Variants in HMGCLL1 observed in about 807,000 individuals in gnomAD.
HMGCLL1 encodes the protein 3-hydroxymethyl-3-methylglutaryl-CoA lyase, cytoplasmic.
In HMGCLL1, 36 loss-of-function variants were observed where a neutral mutation model predicts 39.1. The observed-to-expected ratio is 0.92, with a 90% CI of 0.71 to 1.22. The LOEUF (loss-of-function observed/expected upper bound fraction) is 1.22, where lower values mean the gene tolerates loss of function less well. Ranked by LOEUF, HMGCLL1 falls within the 50% of genes most tolerant of loss-of-function variation. The probability of loss-of-function intolerance (pLI) is 0.00; values close to 1 mark genes in which losing one functional copy is unlikely to be tolerated. For synonymous variants in HMGCLL1, 149 were observed against 144.0 expected (o/e 1.03, Z -0.25); for missense variants, 451 against 416.5 (o/e 1.08, Z -0.72).
At chr6:55,458,963 GT>G (rs1764442391) in intron 7 of HMGCLL1, among the ~76,000 whole-genome samples, 1 of 152,084 alleles carries the variant, frequency 6.6e-6, no homozygotes, top group Non-Finnish European at 1.5e-5. Flanking sequence ...CATAAAGTAT[GT>G]TTAAACAAAA....
In HMGCLL1 at chr6:55,435,361, G is replaced by A. The variant is rs1009589006; in HGVS notation, c.*301C>T. ...CAGTATTTGATACTTGGGGAAATAC[G>A]AAGTCAATTTTCCCATCTACTAAAT... is the stretch of plus-strand genomic sequence containing the variant. On this transcript the variant is annotated 3_prime_UTR_variant, in exon 9 of 9. Coordinates refer to ENST00000274901, the MANE Select transcript of HMGCLL1 (RefSeq NM_001042406.2). The A allele has an allele frequency of 8.9e-6, 2 of 224,852 alleles. No individual in the cohort carries two copies. Among genetic ancestry groups the A allele is most frequent in the Non-Finnish European group, 1.8e-5 (2 of 112,452 alleles). The allele number at this position is 224,852 out of a possible 1,614,324, so 13.9% of individuals were successfully genotyped here.
the HMGCLL1 span, among the ~76,000 whole-genome samples, chr6:55,592,857 C>G: frequency 6.6e-6 from 1 of 152,088 alleles, no homozygotes; most frequent in South Asian, 2.1e-4. Flanking sequence ...ACTACCAACA[C>G]ATGGCTAGTA....
At chr6:55,637,949 G>A in the HMGCLL1 span, among the ~76,000 whole-genome samples, 8,366 of 152,070 alleles carry the variant, frequency 0.055, 388 homozygotes, top group Non-Finnish European at 0.077. Flanking sequence ...AACATAATTT[G>A]TATTATCCAT....
At chr6:55,439,580 C>A in intron 7 of HMGCLL1, 21 bp from the exon 8 acceptor site, 1 of 1,608,140 alleles carries the variant, frequency 6.2e-7, no homozygotes, top group Non-Finnish European at 8.5e-7. Context: ...AACCAAACCA[C>A]CTAAAGCTTG....
At chr6:55,571,601 C>G (rs749070951) in intron 1 of HMGCLL1, among the ~76,000 whole-genome samples, 10 of 151,874 alleles carry the variant, frequency 6.6e-5, no homozygotes, top group South Asian at 4.2e-4. Flanking sequence ...GTCAGGAGAT[C>G]GAGACCATCC....
intron 1 of HMGCLL1, among the ~76,000 whole-genome samples, chr6:55,573,438 TA>T (rs1453616195): frequency 5.3e-5 from 8 of 152,182 alleles, no homozygotes; most frequent in African/African-American, 1.9e-4. Context: ...ATAATTCTAA[TA>T]AGTATTCAAG....
At chr6:55,499,384 G>T in intron 5 of HMGCLL1, 85 bp from the exon 6 acceptor site, 2 of 1,012,842 alleles carry the variant, frequency 2.0e-6, no homozygotes, top group Non-Finnish European at 2.9e-6. Context: ...AGCTGAAACT[G>T]CATCAAGAAA....
chr6:55,640,491 A>T, the HMGCLL1 span, among the ~76,000 whole-genome samples: 1 of 150,876 alleles, frequency 6.6e-6, no homozygotes, highest in Non-Finnish European at 1.5e-5. Context: ...AAAGAAATAT[A>T]TTAATTAATT....
intron 7 of HMGCLL1, among the ~76,000 whole-genome samples, chr6:55,480,914 T>G (rs970380085): frequency 6.6e-6 from 1 of 152,148 alleles, no homozygotes; most frequent in African/African-American, 2.4e-5. Flanking sequence ...CTCACTTACT[T>G]GTGGGAGCTA....
the HMGCLL1 span, among the ~76,000 whole-genome samples, chr6:55,655,259 C>A: frequency 6.6e-6 from 1 of 151,794 alleles, no homozygotes; most frequent in Non-Finnish European, 1.5e-5. Context: ...ATATAATCTA[C>A]CAGTGAAAAA....
At chr6:55,587,339 T>A in the HMGCLL1 span, among the ~76,000 whole-genome samples, 2 of 152,186 alleles carry the variant, frequency 1.3e-5, no homozygotes, top group East Asian at 1.9e-4. Flanking sequence ...TCCCATTCTG[T>A]AGGTCGCCTG....
At chr6:55,653,991 T>C in the HMGCLL1 span, among the ~76,000 whole-genome samples, 2 of 152,034 alleles carry the variant, frequency 1.3e-5, no homozygotes, top group Admixed American at 6.6e-5. Context: ...CGGAGATTTC[T>C]GATGGTAGGA....
At chr6:55,545,114 C>T (rs149959756) in intron 1 of HMGCLL1, among the ~76,000 whole-genome samples, 179 of 150,984 alleles carry the variant, frequency 1.2e-3, no homozygotes, top group African/African-American at 4.3e-3. Flanking sequence ...CATGTGGTCT[C>T]ATTATCACTG....
At chr6:55,460,319 C>A (rs1764502130) in intron 7 of HMGCLL1, among the ~76,000 whole-genome samples, 1 of 151,780 alleles carries the variant, frequency 6.6e-6, no homozygotes, top group Non-Finnish European at 1.5e-5. Flanking sequence ...CCAAAAATAT[C>A]ATTTATCTTC....
At chr6:55,661,431 A>G in the HMGCLL1 span, among the ~76,000 whole-genome samples, 7 of 152,082 alleles carry the variant, frequency 4.6e-5, no homozygotes, top group African/African-American at 1.7e-4. Flanking sequence ...TCTTCTGCCT[A>G]TGGCTAGACA....
At chr6:55,525,075 C>T (rs1768246985) in intron 3 of HMGCLL1, among the ~76,000 whole-genome samples, 1 of 151,596 alleles carries the variant, frequency 6.6e-6, no homozygotes, top group Non-Finnish European at 1.5e-5. Context: ...CTGACCCCAG[C>T]AACTTCCATG....
At chr6:55,643,655 C>T in the HMGCLL1 span, among the ~76,000 whole-genome samples, 1 of 151,882 alleles carries the variant, frequency 6.6e-6, no homozygotes, top group African/African-American at 2.4e-5. Context: ...TTTCTGTTTC[C>T]AAAATTCAAG....
the HMGCLL1 span, among the ~76,000 whole-genome samples, chr6:55,664,391 T>C: frequency 0.099 from 14,969 of 151,736 alleles, 847 homozygotes; most frequent in East Asian, 0.17. Context: ...CATTTGCTGA[T>C]CTGAAAAAGA....
chr6:55,482,361 T>C (rs1282299678), intron 7 of HMGCLL1, among the ~76,000 whole-genome samples: 2 of 152,118 alleles, frequency 1.3e-5, no homozygotes, highest in African/African-American at 4.8e-5. Flanking sequence ...CAAATAAAAA[T>C]AGTCTTCCTT....
Sources: gnomAD v4.1 joint callset for allele counts (sites outside exome capture counted in the v4.1 genomes callset) on GRCh38, gnomAD v4.1.1 for gene constraint, MANE v1.5 for transcripts, NCBI Gene and HGNC (gene_info 2026-07-23, HGNC 2026-07-21) for gene names.